Variants in CHUK observed in about 807,000 individuals in gnomAD.
CHUK encodes the protein component of inhibitor of nuclear factor kappa B kinase complex.
In CHUK, 35 loss-of-function variants were observed where a neutral mutation model predicts 104.8. The observed-to-expected ratio is 0.33, with a 90% CI of 0.26 to 0.44. The LOEUF is 0.44. Among genes scored for constraint, CHUK ranks in the 20% least tolerant of loss-of-function variants. The pLI is 1.00. For missense variants in CHUK, 663 were observed against 902.7 expected (o/e 0.73, Z 3.40); for synonymous variants, 276 against 291.9 (o/e 0.95, Z 0.56).
intron 4 of CHUK, 137 bp downstream of exon 4, chr10:100,221,974 AT>A (rs1845998770): frequency 8.2e-6 from 5 of 606,846 alleles, no homozygotes; most frequent in Non-Finnish European, 1.5e-5. Flanking sequence ...ATAGTAATAG[AT>A]TTTTATAACT....
chr10:100,205,980 C>T (rs1845580821), intron 11 of CHUK, among the ~76,000 whole-genome samples: 2 of 152,096 alleles, frequency 1.3e-5, no homozygotes, highest in Admixed American at 6.5e-5. Flanking sequence ...AGAGGGACAT[C>T]TTACAAAATA....
chr10:100,222,773 C>T, intron 3 of CHUK, 93 bp downstream of exon 3: 1 of 733,118 alleles, frequency 1.4e-6, no homozygotes, highest in Non-Finnish European at 2.5e-6. Flanking sequence ...CATAGTTTTT[C>T]CGATTCTTAT....
chr10:100,211,855 G>A lies in CHUK; in HGVS notation c.934-2066C>T, dbSNP rs976532045. On this transcript the variant is annotated intron_variant, in intron 9 of 20. Coordinates refer to ENST00000370397, the MANE Select transcript of CHUK (RefSeq NM_001278.5). ...ATCCTTTGGATATATACCAAGAAAT[G>A]ACATTGTTGAATCTTACAGTTCTAT... Among the ~76,000 whole-genome samples, 5 of 151,424 alleles carry A rather than the reference G, an allele frequency of 3.3e-5. No individual in the cohort carries two copies. The Admixed American group carries it at 3.3e-4, about 10-fold the overall frequency.
Position 100,205,196 on chromosome 10 carries a change from T to C in CHUK, c.1235A>G (p.Gln412Arg), listed in dbSNP as rs1257164514. 2.5e-6 allele frequency: 4 copies of C among 1,613,962 alleles called. No individual in the cohort carries two copies. Among genetic ancestry groups the C allele is most frequent in the Non-Finnish European group, 3.4e-6 (4 of 1,179,916 alleles). ...AATTGGAAGCTGTATTTTGCTGTCC[T>C]GTACTATATACAAGAAGATGAGAAA... ...SLSDCVNYIV[Q>R]DSKIQLPIIQ... Residue 412 changes from glutamine to arginine, a missense_variant, in exon 12 of 21, where the codon CAG (glutamine) becomes CGG (arginine). Gln to Arg is a conservative substitution (Grantham distance 43). Coordinates refer to ENST00000370397, the MANE Select transcript of CHUK (RefSeq NM_001278.5).
At chr10:100,192,570 A>C in intron 19 of CHUK, 1 of 984,288 alleles carries the variant, frequency 1.0e-6, no homozygotes. Context: ...CACTTCTGCA[A>C]AACTAATTAT....
chr10:100,189,420 C>T lies in CHUK; in HGVS notation c.*178G>A. ...TGTCTGTTTAGAGGCTTGAATTACT[C>T]AAAACTGTTATACTTGTAAAATCAT... On this transcript the variant is annotated 3_prime_UTR_variant, in exon 21 of 21. Coordinates refer to ENST00000370397, the MANE Select transcript of CHUK (RefSeq NM_001278.5). 1.7e-6 allele frequency: 1 copy of T among 605,766 alleles called. No homozygotes were observed. The allele number at this position is 605,766 out of a possible 1,614,324, so 37.5% of individuals were successfully genotyped here. A position where few individuals can be genotyped will look rare whatever the true frequency, so the allele number is the denominator to read the frequency against.
In CHUK at chr10:100,205,105, G is replaced by A; in HGVS notation, c.1326C>T (p.Ser442=). ...HYVSGLKEDY[S]RLFQGQRAAM... is the part of the protein sequence containing the mutation. Reference sequence around the variant, plus strand: ...CTGCCCTTTGTCCCTGAAAGAGCCTGCTATAGTCTTCTTTTAGTCCAGACA... The same window carrying A: ...CTGCCCTTTGTCCCTGAAAGAGCCTACTATAGTCTTCTTTTAGTCCAGACA... Residue 442 remains serine, a synonymous_variant, in exon 12 of 21, where the codon AGC becomes AGT. Transcript: ENST00000370397. The A allele has an allele frequency of 6.2e-7, 1 of 1,614,086 alleles. No individual in the cohort carries two copies. The highest frequency in any genetic ancestry group is 8.5e-7 in the Non-Finnish European group (1 of 1,179,934).
intron 16 of CHUK, chr10:100,195,629 T>G (rs1044375987): frequency 3.3e-5 from 5 of 152,240 alleles, no homozygotes; most frequent in Admixed American, 3.3e-4. Context: ...AACTTTAGCC[T>G]TCTCCAGGAT....
intron 19 of CHUK, among the ~76,000 whole-genome samples, chr10:100,191,241 T>C (rs1188826121): frequency 2.0e-5 from 3 of 152,174 alleles, no homozygotes; most frequent in Non-Finnish European, 4.4e-5. Flanking sequence ...AAGATGCACT[T>C]ATGTACAACT....
At chr10:100,198,351 C>T (rs1845384703) in intron 16 of CHUK, among the ~76,000 whole-genome samples, 1 of 152,156 alleles carries the variant, frequency 6.6e-6, no homozygotes, top group Non-Finnish European at 1.5e-5. Flanking sequence ...AAAACCCATA[C>T]TCAAGCGTTG....
chr10:100,202,289 C>A (rs941498775), intron 13 of CHUK, 140 bp from the exon 14 acceptor site: 3 of 684,970 alleles, frequency 4.4e-6, no homozygotes, highest in African/African-American at 3.6e-5. Context: ...GAATTCCTAA[C>A]CCCTAATACC....
In CHUK at chr10:100,209,728, T is replaced by C; in HGVS notation, c.995A>G (p.Glu332Gly). 6.4e-7 allele frequency: 1 copy of C among 1,562,724 alleles called. No homozygotes were observed. The highest frequency in any genetic ancestry group is 8.8e-7 in the Non-Finnish European group (1 of 1,133,298). ...ACGAGACTGTAGTGAATGAAGACTT[T>C]CATCAGGTGGTAACAGAAAAGAAAT... is the stretch of plus-strand genomic sequence containing the variant. ...KIISFLLPPDESLHSLQSRIE... is the reference protein window; with the variant it reads ...KIISFLLPPDGSLHSLQSRIE... Residue 332 changes from glutamate (E) to glycine (G), a missense_variant, in exon 10 of 21, where the codon GAA (glutamate) becomes GGA (glycine). Transcript: ENST00000370397.
Position 100,229,495 on chromosome 10 carries a change from C to T in CHUK, c.38G>A (p.Gly13Glu). 1 of 1,578,012 alleles carries T rather than the reference C, an allele frequency of 6.3e-7. No individual in the cohort carries two copies. ...CAGCCGCTCCCGCATCTCCCAGGGC[C>T]CGCCCGCGCCCGGCCGCAGCCCCGG... The part of the protein sequence containing the change: ...RPPGLRPGAG[G>E]PWEMRERLGT... Residue 13 changes from glycine (G) to glutamate (E), a missense_variant, in exon 1 of 21, where the codon GGG becomes GAG. Gly to Glu is a moderately conservative substitution (Grantham distance 98). This residue lies in a region of CHUK where 44 missense variants were observed against 39.2 expected (regional missense o/e 1.12). Coordinates refer to ENST00000370397, the MANE Select transcript of CHUK (RefSeq NM_001278.5).
At position 100,220,965 on chromosome 10, in the gene CHUK, C is replaced by T. The variant is rs11190427; in HGVS notation, c.386-289G>A. Among the ~76,000 whole-genome samples the T allele has an allele frequency of 0.049, 7,434 of 152,246 alleles. 602 individuals are homozygous for T. The highest frequency in any genetic ancestry group is 0.17 in the African/African-American group (7,013 of 41,488). Reference sequence around the variant, plus strand: ...TGAAACTCTTATAAGCCTCTTTCTCCCACCTAAATCACTCATTTCAATTGG... The same window carrying T: ...TGAAACTCTTATAAGCCTCTTTCTCTCACCTAAATCACTCATTTCAATTGG... On this transcript the variant is annotated intron_variant, in intron 4 of 20. Coordinates refer to ENST00000370397, the MANE Select transcript of CHUK (RefSeq NM_001278.5).
At chr10:100,210,516 T>C (rs1207934812) in intron 9 of CHUK, among the ~76,000 whole-genome samples, 1 of 152,234 alleles carries the variant, frequency 6.6e-6, no homozygotes, top group Non-Finnish European at 1.5e-5. Context: ...ATTAGATCTT[T>C]TAATCTCCAT....
intron 9 of CHUK, among the ~76,000 whole-genome samples, chr10:100,214,567 A>G (rs974118880): frequency 6.6e-6 from 1 of 152,242 alleles, no homozygotes; most frequent in African/African-American, 2.4e-5. Flanking sequence ...GGTGAGCAGA[A>G]GCAGAAAAGT....
rs571638098 is a variant in CHUK at position 100,217,321 on chromosome 10, G to A, written c.933+674C>T. Among the ~76,000 whole-genome samples, 8 of 151,702 alleles carry A rather than the reference G, an allele frequency of 5.3e-5. No homozygotes were observed. In the South Asian group the frequency reaches 1.7e-3, roughly 32 times the overall value. ...GAATAAAAAAGCATTTTCAGAAGAT[G>A]AGATAGGTAGTACATATTGAATGAA... On this transcript the variant is annotated intron_variant, in intron 9 of 20. Coordinates refer to ENST00000370397, the MANE Select transcript of CHUK (RefSeq NM_001278.5).
rs1337523859 is a variant in CHUK, at chr10:100,190,922, G to C, written c.2155C>G (p.His719Asp). The C allele has an allele frequency of 1.2e-6, 2 of 1,612,500 alleles. No homozygotes were observed. Among genetic ancestry groups the C allele is most frequent in the African/African-American group, 2.7e-5 (2 of 74,880 alleles). The part of the protein sequence containing the change: ...MIEENLNCLG[H>D]LSTIIHEANE... ...GCCTCATGAATAATAGTGCTTAAAT[G>C]GCCAAGGCAGTTCAAATTTTCTTCT... Residue 719 changes from histidine to aspartate, a missense_variant, in exon 20 of 21, where the codon CAT becomes GAT. By Grantham distance (81) the His-to-Asp change is moderately conservative (BLOSUM62 -1). Coordinates refer to ENST00000370397, the MANE Select transcript of CHUK (RefSeq NM_001278.5).
chr10:100,222,230 G>T, intron 3 of CHUK, 49 bp from the exon 4 acceptor site: 2 of 949,610 alleles, frequency 2.1e-6, no homozygotes. Context: ...TTGCTGGGCT[G>T]CAATAGTGAC....
Sources: allele counts gnomAD v4.1 joint callset (sites outside exome capture counted in the v4.1 genomes callset), GRCh38; gene constraint gnomAD v4.1.1; regional missense constraint gnomAD v4.1.1; transcripts MANE v1.5; gene names NCBI Gene and HGNC (gene_info 2026-07-23, HGNC 2026-07-21).